HK1: variants seen among roughly 807,000 people sequenced by gnomAD.
The protein encoded by HK1 is hexokinase-1.
HK1 carries 28 observed loss-of-function variants against 91.6 expected under a neutral mutation model. The ratio of observed to expected loss-of-function variants is 0.31; its 90% CI spans 0.23 to 0.42. The LOEUF (loss-of-function observed/expected upper bound fraction) is 0.42, where lower values mean the gene tolerates loss of function less well. HK1 is among the 10% of genes least tolerant of loss of function. The pLI is 1.00. For synonymous variants in HK1, 430 were observed against 468.1 expected (o/e 0.92, Z 1.05); for missense variants, 770 against 1,219.8 (o/e 0.63, Z 5.49).
At chr10:69,352,550 A>T (rs1442804626) in intron 2 of HK1, among the ~76,000 whole-genome samples, 2 of 152,220 alleles carry the variant, frequency 1.3e-5, no homozygotes, top group Non-Finnish European at 2.9e-5. Context: ...AAAAGGAATG[A>T]GGTACTGATC....
At chr10:69,345,434 T>C (rs1848498778) in intron 2 of HK1, among the ~76,000 whole-genome samples, 1 of 152,140 alleles carries the variant, frequency 6.6e-6, no homozygotes, top group African/African-American at 2.4e-5. Flanking sequence ...TCTTGCTTTT[T>C]CCCAGCCATG....
rs187892659 is a variant in HK1, at chr10:69,351,163, A to G, written c.226+7174A>G. ...GCACTCCAGCCTGGGCGACAGAGCG[A>G]GACTCCGTCTCAAAATTAAATAAAT... On this transcript the variant is annotated intron_variant, in intron 2 of 17. Transcript: ENST00000359426. Among the ~76,000 whole-genome samples, 472 of 149,406 alleles carry G rather than the reference A, an allele frequency of 3.2e-3. 3 individuals are homozygous for G. The highest frequency in any genetic ancestry group is 0.011 in the African/African-American group (445 of 40,164).
At chr10:69,359,611 T>G (rs1849313475) in intron 2 of HK1, among the ~76,000 whole-genome samples, 1 of 152,238 alleles carries the variant, frequency 6.6e-6, no homozygotes, top group South Asian at 2.1e-4. Context: ...GGTGGGAATT[T>G]GTACTTAATT....
intron 5 of HK1, among the ~76,000 whole-genome samples, chr10:69,368,869 G>C (rs1849843738): frequency 6.6e-6 from 1 of 152,196 alleles, no homozygotes; most frequent in African/African-American, 2.4e-5. Context: ...CTCCTGACAG[G>C]AGTGCTGGGC....
rs1025242616 is a variant in HK1, at chr10:69,380,286, C to T, written c.1265+191C>T. ...CAGGAGGAAGGAGTTTGAGAACAGC[C>T]TGGGCAACATAGTAAGACCTCATCT... On this transcript the variant is annotated intron_variant, in intron 9 of 17. Coordinates refer to ENST00000359426, the MANE Select transcript of HK1 (RefSeq NM_000188.3). The surrounding 1 kb of genome is among the most constrained non-coding windows in gnomAD (Gnocchi z 4.0). Among the ~76,000 whole-genome samples the T allele has an allele frequency of 6.6e-6, 1 of 152,046 alleles. No individual in the cohort carries two copies. The highest frequency in any genetic ancestry group is 2.4e-5 in the African/African-American group (1 of 41,410).
At chr10:69,382,213 A>G (rs1238840857) in intron 9 of HK1, among the ~76,000 whole-genome samples, 9 of 152,004 alleles carry the variant, frequency 5.9e-5, no homozygotes, top group Admixed American at 5.9e-4. Context: ...ACATGGCGAA[A>G]CCCTGTCTCT....
intron 2 of HK1, among the ~76,000 whole-genome samples, chr10:69,283,809 A>AAAAAAAAG (rs1447130784): frequency 8.6e-5 from 11 of 128,122 alleles, no homozygotes; most frequent in African/African-American, 4.0e-4. Flanking sequence ...AAAAAAAAAA[A>AAAAAAAAG]AAAAAAAAGA....
intron 7 of HK1, among the ~76,000 whole-genome samples, chr10:69,374,826 A>T (rs1206921601): frequency 6.6e-6 from 1 of 152,228 alleles, no homozygotes; most frequent in African/African-American, 2.4e-5. Flanking sequence ...CAGGAGGCTG[A>T]TGTTAGCGCA....
At chr10:69,315,720 G>A (rs1044019832), upstream of HK1, 6 of 590,894 alleles carry the variant, frequency 1.0e-5, no homozygotes, top group Admixed American at 2.3e-5. Context: ...GATAGGACCA[G>A]CCCCCTAGAA....
chr10:69,356,162 C>T (rs7071731), intron 2 of HK1, among the ~76,000 whole-genome samples: 62,009 of 152,016 alleles, frequency 0.41, 13,025 homozygotes, highest in South Asian at 0.54. Context: ...CTTGGCCATG[C>T]TTGGTGGCTC....
rs755970605 is a variant in HK1 at position 69,401,144 on chromosome 10, G to A, written c.*9G>A. The A allele has an allele frequency of 1.2e-6, 2 of 1,612,398 alleles. No individual in the cohort carries two copies. The highest frequency in any genetic ancestry group is 8.5e-7 in the Non-Finnish European group (1 of 1,179,644). ...CAGAGGCAAGCAGCTAAGAGTCCGGGATCCCCAGCCTACTGCCTCTCCAGC... is the reference window on the plus strand; with the variant it reads ...CAGAGGCAAGCAGCTAAGAGTCCGGAATCCCCAGCCTACTGCCTCTCCAGC... On this transcript the variant is annotated 3_prime_UTR_variant, in exon 18 of 18. Transcript: ENST00000359426.
chr10:69,270,518 G>T (rs1241749488), intron 1 of HK1, among the ~76,000 whole-genome samples: 1 of 152,136 alleles, frequency 6.6e-6, no homozygotes, highest in Non-Finnish European at 1.5e-5. Flanking sequence ...AGGAGGTAGA[G>T]GTTGCAGTGA....
chr10:69,337,654 C>T (rs1289520782), intron 1 of HK1, among the ~76,000 whole-genome samples: 1 of 152,238 alleles, frequency 6.6e-6, no homozygotes, highest in Non-Finnish European at 1.5e-5. Flanking sequence ...TAACATCTTT[C>T]TTAACCCTTC....
chr10:69,386,387 C>G lies in HK1; in HGVS notation c.1904C>G (p.Thr635Ser). ...GACTGCGTGGGCCACGATGTAGTCA[C>G]CTTACTAAGGGATGCGATAAAAAGG... is the stretch of plus-strand genomic sequence containing the variant. ...ATDCVGHDVV[T>S]LLRDAIKRRE... is the part of the protein sequence containing the mutation. Residue 635 changes from threonine (T) to serine (S), a missense_variant, in exon 13 of 18, where the codon ACC (threonine) becomes AGC (serine). By Grantham distance (58) the Thr-to-Ser change is moderately conservative. Coordinates refer to ENST00000359426, the MANE Select transcript of HK1 (RefSeq NM_000188.3). 6.2e-7 allele frequency: 1 copy of G among 1,613,732 alleles called. No homozygotes were observed. The highest frequency in any genetic ancestry group is 2.2e-5 in the East Asian group (1 of 44,880).
intron 1 of HK1, chr10:69,319,257 G>A (rs535512240): frequency 1.2e-5 from 7 of 600,118 alleles, no homozygotes; most frequent in Non-Finnish European, 2.1e-5. Context: ...GCCTGCTGCA[G>A]TGTCCTTGAA....
chr10:69,279,438 A>G (rs1844629722), intron 1 of HK1, among the ~76,000 whole-genome samples: 1 of 152,216 alleles, frequency 6.6e-6, no homozygotes, highest in Non-Finnish European at 1.5e-5. Flanking sequence ...GATTTGGAGA[A>G]GAAATTGAGT....
rs374328237 is a variant in HK1 at position 69,401,160 on chromosome 10, C to T, written c.*25C>T. On this transcript the variant is annotated 3_prime_UTR_variant, in exon 18 of 18. Coordinates refer to ENST00000359426, the MANE Select transcript of HK1 (RefSeq NM_000188.3). ...AGAGTCCGGGATCCCCAGCCTACTG[C>T]CTCTCCAGCACTTCTCTCTTCAAGC... 3 of 1,608,526 alleles carry T rather than the reference C, an allele frequency of 1.9e-6. No individual in the cohort carries two copies. The highest frequency in any genetic ancestry group is 2.5e-6 in the Non-Finnish European group (3 of 1,178,270).
intron 2 of HK1, among the ~76,000 whole-genome samples, chr10:69,284,329 G>C (rs1343349614): frequency 6.6e-6 from 1 of 152,186 alleles, no homozygotes; most frequent in Non-Finnish European, 1.5e-5. Context: ...ACTAATGCCT[G>C]TGAGGTATTA....
intron 1 of HK1, chr10:69,338,686 T>A (rs1017048722): frequency 3.5e-6 from 2 of 571,042 alleles, no homozygotes; most frequent in African/African-American, 3.8e-5. Context: ...TGTGAGTGTG[T>A]GTGTGTGTGT....
Sources: gnomAD v4.1 joint callset for allele counts (sites outside exome capture counted in the v4.1 genomes callset) on GRCh38, gnomAD v4.1.1 for gene constraint, Gnocchi (gnomAD v3.1) non-coding constraint, MANE v1.5 for transcripts, NCBI Gene and HGNC (gene_info 2026-07-23, HGNC 2026-07-21) for gene names.